CS: variants seen among roughly 807,000 people sequenced by gnomAD.
CS encodes the protein citrate synthase, also known as citrate synthase, mitochondrial.
CS carries 13 observed loss-of-function variants against 61.4 expected under a neutral mutation model. The ratio of observed to expected loss-of-function variants is 0.21; its 90% confidence interval spans 0.14 to 0.34. The LOEUF is 0.34. Ranked by LOEUF, CS falls within the 10% of genes least tolerant of loss-of-function variation. The pLI is 1.00. For missense variants in CS, 278 were observed against 573.4 expected, an observed-to-expected ratio of 0.48 and a Z score of 5.26; for synonymous variants, 159 against 215.2, an observed-to-expected ratio of 0.74 and a Z score of 2.29.
In CS at chr12:56,300,312, G is replaced by T; in HGVS notation, c.-111C>A. The T allele has an allele frequency of 8.4e-7, 1 of 1,193,902 alleles. No homozygotes were observed. Among genetic ancestry groups the T allele is most frequent in the Non-Finnish European group, 1.2e-6 (1 of 851,482 alleles). The allele number at this position is 1,193,902 out of a possible 1,614,324, so 74.0% of individuals were successfully genotyped here. A position where few individuals can be genotyped will look rare whatever the true frequency, so the allele number is the denominator to read the frequency against. ...GCCGCGCCGACGGGTTGACAAGGTTGAAAGGAGGCGGCTGAAGGAAAGAGT... is the reference window on the plus strand; with the variant it reads ...GCCGCGCCGACGGGTTGACAAGGTTTAAAGGAGGCGGCTGAAGGAAAGAGT... On this transcript the variant is annotated 5_prime_UTR_variant, in exon 1 of 11. Coordinates refer to ENST00000351328, the MANE Select transcript of CS (RefSeq NM_004077.3).
chr12:56,286,246 T>G, intron 2 of CS: 1 of 567,758 alleles, frequency 1.8e-6, no homozygotes, highest in South Asian at 2.2e-5. Flanking sequence ...CAGACAAAAG[T>G]TCTGGAGATG....
chr12:56,292,776 C>T (rs1316090862), intron 1 of CS, among the ~76,000 whole-genome samples: 5 of 147,440 alleles, frequency 3.4e-5, no homozygotes, highest in South Asian at 2.1e-4. Flanking sequence ...TCATGGCGGG[C>T]GCCTGTAGTC....
At chr12:56,281,928 G>A (rs193042099) in intron 6 of CS, among the ~76,000 whole-genome samples, 13 of 152,130 alleles carry the variant, frequency 8.5e-5, no homozygotes, top group African/African-American at 2.9e-4. Context: ...GTGCGATCTC[G>A]GCTCACTGAA....
intron 9 of CS, 108 bp downstream of exon 9, chr12:56,274,668 GA>G (rs893884009): frequency 4.9e-5 from 42 of 862,362 alleles, no homozygotes; most frequent in East Asian, 2.5e-4. Flanking sequence ...GATAAATGAA[GA>G]AAAAAAAATC....
At chr12:56,293,473 T>A (rs1873197654) in intron 1 of CS, among the ~76,000 whole-genome samples, 1 of 152,126 alleles carries the variant, frequency 6.6e-6, no homozygotes, top group Admixed American at 6.6e-5. Flanking sequence ...TCCCAACACC[T>A]TGGGAGGCCA....
At chr12:56,274,089 A>G (rs1872573392) in intron 9 of CS, 1 of 398,798 alleles carries the variant, frequency 2.5e-6, no homozygotes, top group Admixed American at 4.0e-5. Flanking sequence ...TGAGGTGGGC[A>G]GATCACCTGA....
intron 1 of CS, among the ~76,000 whole-genome samples, chr12:56,293,703 G>A (rs1288602168): frequency 6.6e-6 from 1 of 152,202 alleles, no homozygotes; most frequent in Non-Finnish European, 1.5e-5. Context: ...GACAGAGCAA[G>A]ACTCCGTCTC....
At chr12:56,277,899 G>A (rs887061338) in intron 6 of CS, among the ~76,000 whole-genome samples, 2 of 152,034 alleles carry the variant, frequency 1.3e-5, no homozygotes, top group South Asian at 4.1e-4. Flanking sequence ...AAAGTTCTGG[G>A]ATTACAGGAG....
intron 5 of CS, 65 bp downstream of exon 5, chr12:56,282,795 C>A: frequency 6.2e-7 from 1 of 1,606,030 alleles, no homozygotes; most frequent in South Asian, 1.1e-5. Flanking sequence ...CATTAAGTGT[C>A]TGAGATTAGA....
At chr12:56,298,813 G>C (rs896508828) in intron 1 of CS, 3 of 275,038 alleles carry the variant, frequency 1.1e-5, no homozygotes, top group African/African-American at 6.9e-5. Context: ...GCCGAGGCAG[G>C]AAGATTACTT....
At chr12:56,287,142 T>C (rs1420649369) in intron 1 of CS, among the ~76,000 whole-genome samples, 1 of 152,132 alleles carries the variant, frequency 6.6e-6, no homozygotes, top group Non-Finnish European at 1.5e-5. Context: ...GACTACTCAT[T>C]AGCAGAAATG....
chr12:56,294,986 G>A (rs561659725), intron 1 of CS, among the ~76,000 whole-genome samples: 73 of 151,832 alleles, frequency 4.8e-4, no homozygotes, highest in African/African-American at 1.7e-3. Context: ...GGCTGGTCTC[G>A]AACTCCTGAC....
chr12:56,271,901 A>G lies in CS; in HGVS notation c.*1183T>C. ...TGTATCTTAATCCTTTCTCAAAGAA[A>G]AAGAAGTAGAGCATTCTGAGTTGCT... is the stretch of plus-strand genomic sequence containing the variant. On this transcript the variant is annotated 3_prime_UTR_variant, in exon 11 of 11. Transcript: ENST00000351328. 2.2e-6 allele frequency: 1 copy of G among 456,448 alleles called. No individual in the cohort carries two copies. Among genetic ancestry groups the G allele is most frequent in the Non-Finnish European group, 4.4e-6 (1 of 226,782 alleles). 28.3% of individuals were successfully genotyped at this position (456,448 alleles called of 1,614,324 possible).
At chr12:56,295,337 A>G (rs1206541299) in intron 1 of CS, among the ~76,000 whole-genome samples, 1 of 151,402 alleles carries the variant, frequency 6.6e-6, no homozygotes, top group African/African-American at 2.4e-5. Flanking sequence ...CCTGGCCAAC[A>G]TGGTGAAACC....
chr12:56,282,261 A>G lies in CS; in HGVS notation c.588+159T>C, dbSNP rs1872798137. Reference sequence around the variant, plus strand: ...TGCTCTACTTAGCTTTGTAATTCCAACAACTGACAAAAAACAAGCCTCCAA... The same window carrying G: ...TGCTCTACTTAGCTTTGTAATTCCAGCAACTGACAAAAAACAAGCCTCCAA... On this transcript the variant is annotated intron_variant, in intron 6 of 10. Transcript: ENST00000351328. 10 of 590,788 alleles carry G rather than the reference A, an allele frequency of 1.7e-5. No homozygotes were observed. In the Admixed American group the frequency reaches 3.7e-4, roughly 22 times the overall value. 36.6% of individuals were successfully genotyped at this position (590,788 alleles called of 1,614,324 possible).
chr12:56,272,722 G>A lies in CS; in HGVS notation c.*362C>T, dbSNP rs1168683938. On this transcript the variant is annotated 3_prime_UTR_variant, in exon 11 of 11. Transcript: ENST00000351328. Reference sequence around the variant, plus strand: ...TTGAGGGCTTGGCAGAGAAGCTAAAGCTCCAAAGTGACTACAGATTCTCTG... The same window carrying A: ...TTGAGGGCTTGGCAGAGAAGCTAAAACTCCAAAGTGACTACAGATTCTCTG... The A allele has an allele frequency of 5.7e-6, 1 of 174,524 alleles. No individual in the cohort carries two copies. Among genetic ancestry groups the A allele is most frequent in the African/African-American group, 2.4e-5 (1 of 41,678 alleles). The allele number at this position is 174,524 out of a possible 1,614,324, so 10.8% of individuals were successfully genotyped here.
chr12:56,288,830 ATTTT>A (rs986678867), intron 1 of CS, among the ~76,000 whole-genome samples: 1 of 65,864 alleles, frequency 1.5e-5, no homozygotes, highest in African/African-American at 3.7e-5. Context: ...AAAAAAAAAA[ATTTT>A]TTTTTGTAGA....
intron 1 of CS, chr12:56,291,168 G>T: frequency 1.1e-6 from 1 of 950,478 alleles, no homozygotes; most frequent in Non-Finnish European, 1.4e-6. Flanking sequence ...TTTGTGCATA[G>T]CTGAATTCAG....
chr12:56,285,256 A>T, intron 3 of CS: 1 of 446,894 alleles, frequency 2.2e-6, no homozygotes, highest in Non-Finnish European at 4.5e-6. Flanking sequence ...TGGAAATGAA[A>T]TTTTTTAAGT....
Sources: gnomAD v4.1 joint callset for allele counts (sites outside exome capture counted in the v4.1 genomes callset) on GRCh38, gnomAD v4.1.1 for gene constraint, MANE v1.5 for transcripts, NCBI Gene and HGNC (gene_info 2026-07-23, HGNC 2026-07-21) for gene names.